The following RBFOX1 variants were observed in gnomAD, a reference collection of about 807,000 sequenced individuals.
RBFOX1 encodes the protein RNA binding protein fox-1 homolog 1.
Under a neutral mutation model 57.7 loss-of-function variants are expected in RBFOX1, and 8 were observed. The observed-to-expected ratio is 0.14, with a 90% CI of 0.08 to 0.25. The LOEUF (loss-of-function observed/expected upper bound fraction) is 0.25, where lower values mean the gene tolerates loss of function less well. Among genes scored for constraint, RBFOX1 ranks in the 10% least tolerant of loss-of-function variants. The pLI is 1.00. For missense variants in RBFOX1, 611 were observed against 548.5 expected (o/e 1.11, Z -1.14); for synonymous variants, 326 against 222.4 (o/e 1.47, Z -4.15).
At chr16:5,900,836 G>A (rs1391752741) in intron 4 of RBFOX1, among the ~76,000 whole-genome samples, 1 of 152,146 alleles carries the variant, frequency 6.6e-6, no homozygotes, top group Non-Finnish European at 1.5e-5. Flanking sequence ...GAAGCTGCAG[G>A]AGCTCCCTCC....
chr16:6,721,268 C>T (rs958781711), intron 3 of RBFOX1, among the ~76,000 whole-genome samples: 4 of 152,184 alleles, frequency 2.6e-5, no homozygotes, highest in African/African-American at 9.6e-5. Context: ...CATGGTAAAA[C>T]CCTGTCTGTA....
intron 3 of RBFOX1, among the ~76,000 whole-genome samples, chr16:5,797,555 TTTA>T (rs747747716): frequency 5.9e-5 from 9 of 152,170 alleles, no homozygotes; most frequent in Admixed American, 1.3e-4. Flanking sequence ...TGACCCTTAT[TTTA>T]TTCACTTCTG....
Position 7,329,984 on chromosome 16 carries a change from C to G in RBFOX1, c.28-188163C>G, listed in dbSNP as rs112185405. On this transcript the variant is annotated intron_variant, in intron 4 of 15. Coordinates refer to ENST00000550418, the MANE Select transcript of RBFOX1 (RefSeq NM_018723.4). ...ACTGGGTATGTTCTGAGAAACTGGT[C>G]AGGCAATCTTGTACTGAATACTGTA... Among the ~76,000 whole-genome samples, 548 of 152,234 alleles carry G rather than the reference C, an allele frequency of 3.6e-3. 6 individuals carry two copies. The highest frequency in any genetic ancestry group is 0.013 in the African/African-American group (521 of 41,524).
intron 4 of RBFOX1, among the ~76,000 whole-genome samples, chr16:7,371,924 A>G (rs1233208616): frequency 2.6e-5 from 4 of 152,188 alleles, no homozygotes; most frequent in African/African-American, 9.6e-5. Flanking sequence ...TTTCTACACT[A>G]GGTGGCTGTG....
chr16:7,125,809 G>C (rs150628760), intron 4 of RBFOX1, among the ~76,000 whole-genome samples: 8 of 152,144 alleles, frequency 5.3e-5, no homozygotes, highest in African/African-American at 1.9e-4. Flanking sequence ...ATAGCCAGGC[G>C]AAGTGCCTCA....
At chr16:5,444,063 T>C (rs75086491) in intron 1 of RBFOX1, among the ~76,000 whole-genome samples, 3 of 141,856 alleles carry the variant, frequency 2.1e-5, no homozygotes, top group African/African-American at 8.0e-5. Flanking sequence ...ACTAATGAAT[T>C]GTTCTGTTTG....
At chr16:7,112,826 A>G (rs534450958) in intron 4 of RBFOX1, among the ~76,000 whole-genome samples, 10 of 151,998 alleles carry the variant, frequency 6.6e-5, no homozygotes, top group Non-Finnish European at 8.8e-5. Flanking sequence ...CCTCTGTTTT[A>G]TGATTTGGGT....
chr16:7,022,511 A>G (rs975786379), intron 3 of RBFOX1, among the ~76,000 whole-genome samples: 7 of 152,084 alleles, frequency 4.6e-5, no homozygotes, highest in African/African-American at 1.7e-4. Context: ...TTTATACTCC[A>G]GATTCCCTGT....
intron 1 of RBFOX1, among the ~76,000 whole-genome samples, chr16:6,041,693 T>A (rs1012897639): frequency 1.3e-5 from 2 of 152,126 alleles, no homozygotes; most frequent in African/African-American, 4.8e-5. Flanking sequence ...AGGGGAAGTC[T>A]TAGTCTAAGG....
intron 3 of RBFOX1, among the ~76,000 whole-genome samples, chr16:6,957,924 C>A (rs531374704): frequency 1.4e-4 from 22 of 152,236 alleles, no homozygotes; most frequent in South Asian, 1.0e-3. Context: ...ACATCTGTGA[C>A]CTAGCCCGAG....
Position 7,709,078 on chromosome 16 carries a change from G to C in RBFOX1, c.1018G>C (p.Asp340His). 6.2e-7 allele frequency: 1 copy of C among 1,613,608 alleles called. No individual in the cohort carries two copies. Among genetic ancestry groups the C allele is most frequent in the Non-Finnish European group, 8.5e-7 (1 of 1,179,778 alleles). Residue 340 changes from aspartate to histidine, a missense_variant, in exon 15 of 16, where the codon GAC becomes CAC. This residue lies in a region of RBFOX1 where 267 missense variants were observed against 229.1 expected (regional missense o/e 1.17). Transcript: ENST00000550418. ...CAGTTACGGACGAGTTTATGCTGCC[G>C]ACCCCTACCACCACGCACTTGCTCC... ...SDSYGRVYAA[D>H]PYHHALAPAP...
intron 11 of RBFOX1, among the ~76,000 whole-genome samples, chr16:7,633,956 G>A (rs909611109): frequency 3.3e-5 from 5 of 152,182 alleles, no homozygotes; most frequent in Admixed American, 6.5e-5. Flanking sequence ...TCCTGCAACA[G>A]GTCAGCTGGC....
intron 3 of RBFOX1, among the ~76,000 whole-genome samples, chr16:6,715,581 A>G (rs1228039573): frequency 6.6e-6 from 1 of 152,198 alleles, no homozygotes; most frequent in Non-Finnish European, 1.5e-5. Context: ...TTAAGAGCTA[A>G]GAATCCAGAT....
intron 4 of RBFOX1, among the ~76,000 whole-genome samples, chr16:7,062,889 C>T (rs576907594): frequency 9.1e-6 from 1 of 110,324 alleles, no homozygotes; most frequent in African/African-American, 3.9e-5. Context: ...TTCAAATGAT[C>T]GCCATTTTTT....
At chr16:5,529,804 G>C (rs534128548) in intron 2 of RBFOX1, among the ~76,000 whole-genome samples, 2 of 152,200 alleles carry the variant, frequency 1.3e-5, no homozygotes, top group East Asian at 3.9e-4. Context: ...CTGACCTCAA[G>C]TGATCCACCC....
chr16:5,902,708 G>T (rs372608035), intron 4 of RBFOX1, among the ~76,000 whole-genome samples: 5 of 152,140 alleles, frequency 3.3e-5, no homozygotes, highest in South Asian at 2.1e-4. Context: ...GAGCCACCGT[G>T]CCCGGCCTTA....
rs888200106 is a variant in RBFOX1, at chr16:6,294,922, G to A, written c.-126-22073G>A. On this transcript the variant is annotated intron_variant, in intron 1 of 15. Coordinates refer to ENST00000550418, the MANE Select transcript of RBFOX1 (RefSeq NM_018723.4). ...ATAAAAAAAGATACATGTTTATTTC[G>A]TTTGTTCCTTCCCTAACCCCAATTT... 5.9e-5 allele frequency among the ~76,000 whole-genome samples: 9 copies of A among 151,948 alleles called. No individual in the cohort carries two copies. In the South Asian group the frequency reaches 8.3e-4, roughly 14 times the overall value.
intron 1 of RBFOX1, among the ~76,000 whole-genome samples, chr16:6,260,728 A>G (rs1188962888): frequency 2.0e-5 from 3 of 152,118 alleles, no homozygotes; most frequent in Non-Finnish European, 4.4e-5. Context: ...TGATAATACA[A>G]AAATGAGCCA....
intron 4 of RBFOX1, among the ~76,000 whole-genome samples, chr16:7,510,793 T>C (rs755400105): frequency 6.6e-6 from 1 of 152,182 alleles, no homozygotes; most frequent in Non-Finnish European, 1.5e-5. Context: ...ATGGATAGTT[T>C]TCCTCCAGTG....
Sources: gnomAD v4.1 joint callset for allele counts (sites outside exome capture counted in the v4.1 genomes callset) on GRCh38, gnomAD v4.1.1 for gene constraint, gnomAD v4.1.1 regional missense constraint, MANE v1.5 for transcripts, NCBI Gene and HGNC (gene_info 2026-07-23, HGNC 2026-07-21) for gene names.